Variants in ASB11 observed in about 807,000 individuals in gnomAD.
ASB11 encodes the protein ankyrin repeat and SOCS box containing 11, also known as ankyrin repeat and SOCS box protein 11.
In ASB11, 17 loss-of-function variants were observed where a neutral mutation model predicts 20.1. The observed-to-expected ratio is 0.85, with a 90% CI of 0.58 to 1.27. The LOEUF is 1.27. ASB11 is among the 50% of genes most tolerant of loss of function. The pLI is 0.00. For missense variants in ASB11, 259 were observed against 256.9 expected (o/e 1.01, Z -0.06); for synonymous variants, 107 against 105.6 (o/e 1.01, Z -0.08).
In ASB11 at chrX:15,302,139, C is replaced by T. The variant is rs1433675806; in HGVS notation, c.261+589G>A. Among the ~76,000 whole-genome samples the T allele has an allele frequency of 5.4e-5, 6 of 111,514 alleles. No homozygotes were observed. The East Asian group carries it at 1.7e-3, about 32-fold the overall frequency. On this transcript the variant is annotated intron_variant, in intron 2 of 6. Coordinates refer to ENST00000480796, the MANE Select transcript of ASB11 (RefSeq NM_080873.3). ...CATGACACAGCCCTGTGGAGAGGCT[C>T]ATGTGGCAAGGAATTGAGGTTTCCC...
Position 15,315,456 on chromosome X carries a change from C to G in ASB11, c.150G>C (p.Arg50Ser). 8.7e-7 allele frequency: 1 copy of G among 1,152,915 alleles called. No homozygotes were observed. The highest frequency in any genetic ancestry group is 1.1e-6 in the Non-Finnish European group (1 of 870,931). Residue 50 changes from arginine to serine, a missense_variant, in exon 1 of 7, where the codon AGG (arginine) becomes AGC (serine). Coordinates refer to ENST00000480796, the MANE Select transcript of ASB11 (RefSeq NM_080873.3). ...IVKGNRKEAA[R>S]IAEEIYGGIS... ...TTCCACCATAGATCTCTTCTGCTAT[C>G]CTAGCCGCTTCTTTTCTATTTCCTT...
At chrX:15,291,726 T>A (rs758373246) in intron 4 of ASB11, among the ~76,000 whole-genome samples, 9 of 102,851 alleles carry the variant, frequency 8.8e-5, no homozygotes, top group Admixed American at 3.2e-4. Flanking sequence ...AAAAAAAATT[T>A]AAAAAAATTA....
In ASB11 at chrX:15,298,585, C is replaced by T. The variant is rs142962808; in HGVS notation, c.262-904G>A. On this transcript the variant is annotated intron_variant, in intron 2 of 6. Transcript: ENST00000480796. ...ATAGATTAGCCTTTTTAGAAGCTTA[C>T]TGGTAGCAGCATGGAGGGTTGATTG... is the stretch of plus-strand genomic sequence containing the variant. Among the ~76,000 whole-genome samples, 31 of 111,335 alleles carry T rather than the reference C, an allele frequency of 2.8e-4. No individual in the cohort carries two copies. The East Asian group carries it at 6.3e-3, about 22-fold the overall frequency.
chrX:15,308,415 G>A (rs1313904962), intron 1 of ASB11, among the ~76,000 whole-genome samples: 1 of 111,394 alleles, frequency 9.0e-6, no homozygotes, highest in Non-Finnish European at 1.9e-5. Context: ...TCACCACATT[G>A]CTGCTTTCCA....
chrX:15,310,632 G>A (rs768206874), intron 1 of ASB11, among the ~76,000 whole-genome samples: 10 of 112,368 alleles, frequency 8.9e-5, no homozygotes, highest in Non-Finnish European at 1.7e-4. Flanking sequence ...CGATTAAACT[G>A]TTTTTGTAAT....
At position 15,297,566 on chromosome X, in the gene ASB11, G is replaced by A. The variant is rs376027677; in HGVS notation, c.369+8C>T. ...AGACAGACCCAAGTGGGCAGGGGCA[G>A]TACTCACGTGTGCACCATTTTCCAA... is the stretch of plus-strand genomic sequence containing the variant. On this transcript the variant is annotated splice_region_variant and intron_variant, in intron 3 of 6. Coordinates refer to ENST00000480796, the MANE Select transcript of ASB11 (RefSeq NM_080873.3). 19 of 1,171,464 alleles carry A rather than the reference G, an allele frequency of 1.6e-5. No individual in the cohort carries two copies. The African/African-American group carries it at 3.2e-4, about 20-fold the overall frequency.
In ASB11 at chrX:15,293,152, T is replaced by C. The variant is rs1927574463; in HGVS notation, c.520+18A>G. The C allele has an allele frequency of 1.7e-6, 2 of 1,201,444 alleles. No individual in the cohort carries two copies. Among genetic ancestry groups the C allele is most frequent in the Admixed American group, 2.2e-5 (1 of 44,901 alleles). ...TGAGCCCATCAATGTTTCACATGCA[T>C]TGTGGTGGCTCATTTACCTCTCTTC... On this transcript the variant is annotated intron_variant, in intron 4 of 6. Coordinates refer to ENST00000480796, the MANE Select transcript of ASB11 (RefSeq NM_080873.3).
At chrX:15,288,216 AC>A in intron 5 of ASB11, 144 bp from the exon 6 acceptor site, 1 of 595,450 alleles carries the variant, frequency 1.7e-6, no homozygotes. Context: ...CAAGCCTAGA[AC>A]CTCAGCAATG....
chrX:15,289,772 T>A, intron 4 of ASB11, 134 bp from the exon 5 acceptor site: 1 of 751,435 alleles, frequency 1.3e-6, no homozygotes, highest in Non-Finnish European at 1.9e-6. Context: ...GCCTGTAATC[T>A]CAGCTTTTTG....
chrX:15,305,953 G>A (rs369546543), intron 1 of ASB11, among the ~76,000 whole-genome samples: 1 of 111,039 alleles, frequency 9.0e-6, no homozygotes, highest in Non-Finnish European at 1.9e-5. Flanking sequence ...AGGCCCCAGT[G>A]TATGTTGTTC....
chrX:15,291,724 T>A (rs868555190), intron 4 of ASB11, among the ~76,000 whole-genome samples: 18 of 83,040 alleles, frequency 2.2e-4, no homozygotes, highest in South Asian at 8.2e-4. Context: ...AAAAAAAAAA[T>A]TTAAAAAAAT....
rs1282706099 is a variant in ASB11 at position 15,283,486 on chromosome X, T to A, written c.*19A>T. 2.5e-6 allele frequency: 3 copies of A among 1,207,922 alleles called. No individual in the cohort carries two copies. The highest frequency in any genetic ancestry group is 3.0e-5 in the East Asian group (1 of 33,731). On this transcript the variant is annotated 3_prime_UTR_variant, in exon 7 of 7. Coordinates refer to ENST00000480796, the MANE Select transcript of ASB11 (RefSeq NM_080873.3). ...AACAATCTGTGTCATTCCAAGTATC[T>A]TCCCAGGAACACTTAGGACTATTGG...
At chrX:15,302,621 G>T in intron 2 of ASB11, 107 bp downstream of exon 2, 1 of 790,675 alleles carries the variant, frequency 1.3e-6, no homozygotes, top group Non-Finnish European at 1.9e-6. Context: ...AATGGCAATG[G>T]TGGGACCTGG....
Position 15,293,185 on chromosome X carries a change from C to A in ASB11, c.505G>T (p.Glu169Ter). The A allele has an allele frequency of 8.3e-7, 1 of 1,210,020 alleles. No homozygotes were observed. ...GCTCATTTACCTCTCTTCACTGCCT[C>A]ATGGATGGGCGAGGCCAGGTGCACC... ...LEVHLASPIH[E>*]AVKRGHRECM... Residue 169 changes from glutamate (E) to a stop codon, truncating the protein, a stop_gained, in exon 4 of 7, where the codon GAG (glutamate) becomes TAG (stop). Transcript: ENST00000480796. LOFTEE classifies it high-confidence loss of function.
At position 15,293,389 on chromosome X, in the gene ASB11, C is replaced by T. The variant is rs1927584476; in HGVS notation, c.370-69G>A. The T allele has an allele frequency of 6.3e-6, 7 of 1,113,668 alleles. No individual in the cohort carries two copies. The Admixed American group carries it at 1.0e-4, about 16-fold the overall frequency. The allele number at this position is 1,113,668 out of a possible 1,213,427, so 91.8% of individuals were successfully genotyped here. On this transcript the variant is annotated intron_variant, in intron 3 of 6. Transcript: ENST00000480796. ...TCTCACCATCTCCAAGTATGTCTTCCTATGTATTTGCCTAGAGGAATTCCC... is the reference window on the plus strand; with the variant it reads ...TCTCACCATCTCCAAGTATGTCTTCTTATGTATTTGCCTAGAGGAATTCCC...
chrX:15,297,955 C>T (rs765742402), intron 2 of ASB11, among the ~76,000 whole-genome samples: 34 of 112,314 alleles, frequency 3.0e-4, no homozygotes, highest in Non-Finnish European at 5.6e-4. Flanking sequence ...GTAGAAGTTA[C>T]GATCAGGGGA....
intron 6 of ASB11, among the ~76,000 whole-genome samples, chrX:15,287,070 TG>T (rs1309664139): frequency 8.9e-6 from 1 of 111,914 alleles, no homozygotes; most frequent in Non-Finnish European, 1.9e-5. Flanking sequence ...TTAATGCTCA[TG>T]GTGGAAACGG....
chrX:15,311,713 G>C (rs906670153), intron 1 of ASB11, among the ~76,000 whole-genome samples: 2 of 110,262 alleles, frequency 1.8e-5, no homozygotes, highest in Non-Finnish European at 3.8e-5. Flanking sequence ...ATCTGCACTT[G>C]TAAAGTTCCT....
At chrX:15,301,852 A>G (rs1282648220) in intron 2 of ASB11, among the ~76,000 whole-genome samples, 1 of 112,107 alleles carries the variant, frequency 8.9e-6, no homozygotes, top group Non-Finnish European at 1.9e-5. Flanking sequence ...TTGTCAACCT[A>G]TTTTAATGCT....
Sources: allele counts gnomAD v4.1 joint callset (sites outside exome capture counted in the v4.1 genomes callset), GRCh38; gene constraint gnomAD v4.1.1; transcripts MANE v1.5; gene names NCBI Gene and HGNC (gene_info 2026-07-23, HGNC 2026-07-21).